The following GRIK2 variants were observed in gnomAD, a reference collection of about 807,000 sequenced individuals.
GRIK2 encodes glutamate ionotropic receptor kainate type subunit 2, also known as glutamate receptor ionotropic, kainate 2.
In GRIK2, 32 loss-of-function variants were observed where a neutral mutation model predicts 100.3. The observed-to-expected ratio is 0.32, with a 90% CI of 0.24 to 0.43. The LOEUF (loss-of-function observed/expected upper bound fraction) is 0.43, where lower values mean the gene tolerates loss of function less well. Among genes scored for constraint, GRIK2 ranks in the 20% least tolerant of loss-of-function variants. The pLI is 1.00. For synonymous variants in GRIK2, 417 were observed against 389.4 expected (o/e 1.07, Z -0.83); for missense variants, 843 against 1,114.9 (o/e 0.76, Z 3.47).
At position 101,512,041 on chromosome 6, in the gene GRIK2, T is replaced by TA. The variant is rs898659337; in HGVS notation, c.116-109901dup. On this transcript the variant is annotated intron_variant, in intron 2 of 16. Coordinates refer to ENST00000369134, the MANE Select transcript of GRIK2 (RefSeq NM_021956.5). ...CTTTATCACTGAATACCTCTATTTG[T>TA]AAAAAAAGATACATACATATATATA... is the stretch of plus-strand genomic sequence containing the variant. Among the ~76,000 whole-genome samples the TA allele has an allele frequency of 3.4e-3, 444 of 131,376 alleles. 4 individuals carry two copies. Among genetic ancestry groups the TA allele is most frequent in the African/African-American group, 0.014 (428 of 30,986 alleles). The allele number at this position is 131,376 out of a possible 152,430, so 86.2% of individuals were successfully genotyped here.
At chr6:101,470,732 G>A (rs1001032271) in intron 2 of GRIK2, among the ~76,000 whole-genome samples, 6 of 151,986 alleles carry the variant, frequency 3.9e-5, no homozygotes, top group African/African-American at 1.2e-4. Flanking sequence ...CTTAGAAACA[G>A]GAAATGCCCT....
chr6:101,598,879 CTAT>C (rs1237584123), intron 2 of GRIK2, among the ~76,000 whole-genome samples: 2 of 151,382 alleles, frequency 1.3e-5, no homozygotes, highest in African/African-American at 4.8e-5. Flanking sequence ...GCTCAATTCA[CTAT>C]TTTTCAACAT....
chr6:101,490,043 T>C (rs1415705389), intron 2 of GRIK2, among the ~76,000 whole-genome samples: 6 of 146,514 alleles, frequency 4.1e-5, no homozygotes, highest in Admixed American at 1.4e-4. Flanking sequence ...ATTAAGAGTA[T>C]GTTCAGCAAT....
At chr6:101,442,882 G>A (rs1165783593) in intron 2 of GRIK2, among the ~76,000 whole-genome samples, 2 of 152,070 alleles carry the variant, frequency 1.3e-5, no homozygotes, top group Non-Finnish European at 2.9e-5. Context: ...TTGCATTAGC[G>A]TATTTACTAC....
chr6:101,616,045 C>A (rs186940107), intron 2 of GRIK2, among the ~76,000 whole-genome samples: 1 of 151,770 alleles, frequency 6.6e-6, no homozygotes, highest in Non-Finnish European at 1.5e-5. Context: ...CTAGGCTTAG[C>A]CTATTTGCCA....
At chr6:102,033,402 A>G (rs890559695) in intron 14 of GRIK2, among the ~76,000 whole-genome samples, 1 of 151,390 alleles carries the variant, frequency 6.6e-6, no homozygotes, top group Admixed American at 6.6e-5. Context: ...TCTCCAGAGA[A>G]TAAAACCTCT....
At chr6:101,776,505 G>A (rs1426032389) in intron 7 of GRIK2, among the ~76,000 whole-genome samples, 1 of 152,068 alleles carries the variant, frequency 6.6e-6, no homozygotes, top group African/African-American at 2.4e-5. Context: ...GTTAGCCACA[G>A]GATGCCTTAA....
At chr6:101,848,498 A>G (rs1783933676) in intron 10 of GRIK2, among the ~76,000 whole-genome samples, 1 of 152,168 alleles carries the variant, frequency 6.6e-6, no homozygotes, top group South Asian at 2.1e-4. Context: ...TGAATGTATT[A>G]ATGACTAAAT....
intron 2 of GRIK2, among the ~76,000 whole-genome samples, chr6:101,412,860 T>C (rs116176665): frequency 2.1e-3 from 319 of 152,108 alleles, no homozygotes; most frequent in African/African-American, 7.5e-3. Context: ...TTGATATACG[T>C]AAATGTAGAA....
chr6:101,754,696 A>T (rs989804594), intron 7 of GRIK2, among the ~76,000 whole-genome samples: 4 of 152,212 alleles, frequency 2.6e-5, no homozygotes, highest in African/African-American at 9.6e-5. Context: ...GAGGCTCCTT[A>T]CTCAAATCCT....
At chr6:101,547,123 G>A (rs1203938271) in intron 2 of GRIK2, among the ~76,000 whole-genome samples, 1 of 151,972 alleles carries the variant, frequency 6.6e-6, no homozygotes, top group African/African-American at 2.4e-5. Flanking sequence ...GAGCCACCGC[G>A]CCCGGCCGTT....
chr6:101,976,384 GA>G (rs1342808467), intron 14 of GRIK2, among the ~76,000 whole-genome samples: 1 of 151,788 alleles, frequency 6.6e-6, no homozygotes, highest in South Asian at 2.1e-4. Flanking sequence ...TAGGTTACTG[GA>G]AAAAAAGGGC....
At chr6:101,837,963 A>G (rs1327123573) in intron 10 of GRIK2, among the ~76,000 whole-genome samples, 1 of 152,146 alleles carries the variant, frequency 6.6e-6, no homozygotes, top group Non-Finnish European at 1.5e-5. Flanking sequence ...TGGTATTAAG[A>G]AAGTCTAGGA....
chr6:101,770,583 T>C (rs1583113407), intron 7 of GRIK2, among the ~76,000 whole-genome samples: 1 of 152,362 alleles, frequency 6.6e-6, no homozygotes, highest in South Asian at 2.1e-4. Flanking sequence ...CTGATACAGC[T>C]TAATTGGTCA....
chr6:101,541,419 T>C (rs9498613), intron 2 of GRIK2, among the ~76,000 whole-genome samples: 4,354 of 30,870 alleles, frequency 0.14, 128 homozygotes, highest in African/African-American at 0.34. Flanking sequence ...CACACACACA[T>C]ACACACACAC....
intron 16 of GRIK2, among the ~76,000 whole-genome samples, chr6:102,062,736 A>G (rs1771817289): frequency 6.7e-6 from 1 of 148,906 alleles, no homozygotes; most frequent in Non-Finnish European, 1.5e-5. Context: ...CTTCTGATGT[A>G]TAGCATTAAC....
chr6:101,653,786 A>C (rs2128329752), intron 4 of GRIK2, among the ~76,000 whole-genome samples: 1 of 151,936 alleles, frequency 6.6e-6, no homozygotes, highest in East Asian at 2.0e-4. Context: ...CGCCTGGCTA[A>C]ATTTTTGTAG....
intron 2 of GRIK2, among the ~76,000 whole-genome samples, chr6:101,505,051 GT>G (rs955455541): frequency 8.8e-6 from 1 of 113,130 alleles, no homozygotes; most frequent in Middle Eastern, 4.6e-3. Context: ...TTGTCATTAA[GT>G]TTTTTTTGTT....
intron 2 of GRIK2, among the ~76,000 whole-genome samples, chr6:101,506,903 G>A (rs1774051305): frequency 6.6e-6 from 1 of 152,078 alleles, no homozygotes; most frequent in African/African-American, 2.4e-5. Flanking sequence ...ATGATTCACT[G>A]AAAACTCTGT....
Sources: allele counts gnomAD v4.1 joint callset (sites outside exome capture counted in the v4.1 genomes callset), GRCh38; gene constraint gnomAD v4.1.1; transcripts MANE v1.5; gene names NCBI Gene and HGNC (gene_info 2026-07-23, HGNC 2026-07-21).